Variants in FBXW4 observed in about 807,000 individuals in gnomAD.
FBXW4 encodes the protein F-box/WD repeat-containing protein 4.
In FBXW4, 40 loss-of-function variants were observed where a neutral mutation model predicts 61.8. The ratio of observed to expected loss-of-function variants is 0.65; its 90% CI spans 0.50 to 0.84. The LOEUF is 0.84. Among genes scored for constraint, FBXW4 ranks in the 40% least tolerant of loss-of-function variants. FBXW4 has a pLI of 0.00. For missense variants in FBXW4, 672 were observed against 753.8 expected, an observed-to-expected ratio of 0.89 and a Z score of 1.27; for synonymous variants, 311 against 313.8, an observed-to-expected ratio of 0.99 and a Z score of 0.10.
intron 5 of FBXW4, among the ~76,000 whole-genome samples, chr10:101,651,756 G>T (rs2064147746): frequency 6.6e-6 from 1 of 151,924 alleles, no homozygotes; most frequent in Non-Finnish European, 1.5e-5. Context: ...ACTGACAGGG[G>T]CCTTTATGAG....
chr10:101,653,492 C>T (rs2064160903), intron 5 of FBXW4, among the ~76,000 whole-genome samples: 1 of 152,220 alleles, frequency 6.6e-6, no homozygotes, highest in Admixed American at 6.5e-5. Context: ...GCTTCCCCAT[C>T]TCTTTGTATG....
In FBXW4 at chr10:101,694,587, C is replaced by A. The variant is rs1032014243; in HGVS notation, c.519G>T (p.Ser173=). 3 of 1,458,522 alleles carry A rather than the reference C, an allele frequency of 2.1e-6. No individual in the cohort carries two copies. Among genetic ancestry groups the A allele is most frequent in the Non-Finnish European group, 2.7e-6 (3 of 1,115,142 alleles). 90.3% of individuals were successfully genotyped at this position (1,458,522 alleles called of 1,614,324 possible). A position where few individuals can be genotyped will look rare whatever the true frequency, so the allele number is the denominator to read the frequency against. Residue 173 remains serine, a synonymous_variant, in exon 1 of 9, where the codon TCG becomes TCT. Transcript: ENST00000331272. This position sits in a 1 kb window ranked among gnomAD's most constrained non-coding sequence, Gnocchi z 6.0. ...CAGGCCCCGCGGCCGGGCGGGCAGC[C>A]GACTCCCGAGCCGCCTCCTCCTCCT... is the stretch of plus-strand genomic sequence containing the variant. ...EEEEEEAARE[S]AARPAAGPAL... is the part of the protein sequence containing the mutation.
chr10:101,677,142 G>C (rs1263591894), intron 1 of FBXW4, among the ~76,000 whole-genome samples: 1 of 152,100 alleles, frequency 6.6e-6, no homozygotes, highest in African/African-American at 2.4e-5. Flanking sequence ...AAAAGGTCTG[G>C]CAGTTTATTA....
At chr10:101,673,787 T>C in intron 2 of FBXW4, 114 bp from the exon 3 acceptor site, 1 of 953,418 alleles carries the variant, frequency 1.0e-6, no homozygotes, top group Non-Finnish European at 1.6e-6. Context: ...CCAACAAGGC[T>C]TATTATCTAT....
At position 101,667,946 on chromosome 10, in the gene FBXW4, C is replaced by A. The variant is rs762271297; in HGVS notation, c.1175G>T (p.Cys392Phe). The A allele has an allele frequency of 6.2e-7, 1 of 1,614,214 alleles. No individual in the cohort carries two copies. The highest frequency in any genetic ancestry group is 8.5e-7 in the Non-Finnish European group (1 of 1,180,020). Residue 392 changes from cysteine (C) to phenylalanine (F), a missense_variant, in exon 5 of 9, where the codon TGC becomes TTC. Coordinates refer to ENST00000331272, the MANE Select transcript of FBXW4 (RefSeq NM_022039.4). Reference sequence around the variant, plus strand: ...GTCTTCAGTCTGGATGGTGTGTAAGCACTGCCCCAGCCGGCCTGAGGCCAA... The same window carrying A: ...GTCTTCAGTCTGGATGGTGTGTAAGAACTGCCCCAGCCGGCCTGAGGCCAA... ...WPLASGRLGQ[C>F]LHTIQTEDRV...
intron 1 of FBXW4, among the ~76,000 whole-genome samples, chr10:101,687,784 A>G (rs1456969274): frequency 6.6e-6 from 1 of 152,160 alleles, no homozygotes; most frequent in Admixed American, 6.5e-5. Flanking sequence ...CCCTTGCCCA[A>G]TATCCCTTGC....
intron 5 of FBXW4, among the ~76,000 whole-genome samples, chr10:101,654,300 A>G (rs2064168416): frequency 6.6e-6 from 1 of 152,122 alleles, no homozygotes; most frequent in South Asian, 2.1e-4. Flanking sequence ...AATTGTGGTG[A>G]TAGTTGCACA....
chr10:101,678,974 T>TA (rs1449490967), intron 1 of FBXW4, among the ~76,000 whole-genome samples: 1 of 152,138 alleles, frequency 6.6e-6, no homozygotes, highest in Non-Finnish European at 1.5e-5. Flanking sequence ...ATGCACAGGA[T>TA]AAAAAAACAC....
intron 1 of FBXW4, among the ~76,000 whole-genome samples, chr10:101,690,155 G>A (rs1589785748): frequency 6.6e-6 from 1 of 152,098 alleles, no homozygotes. Context: ...CATTATTTGC[G>A]TTTGTTAATT....
At chr10:101,642,526 A>G (rs1357636563) in intron 5 of FBXW4, among the ~76,000 whole-genome samples, 2 of 151,246 alleles carry the variant, frequency 1.3e-5, no homozygotes, top group African/African-American at 2.4e-5. Context: ...AAGCTACAAC[A>G]CCCCTCTGGG....
At chr10:101,612,171 C>T (rs1192658720) in intron 7 of FBXW4, among the ~76,000 whole-genome samples, 166 bp downstream of exon 7, 4 of 152,222 alleles carry the variant, frequency 2.6e-5, no homozygotes, top group Admixed American at 6.5e-5. Context: ...CCACTGGGAC[C>T]AGGGCTGCCC....
At chr10:101,644,201 G>A (rs2064077614) in intron 5 of FBXW4, among the ~76,000 whole-genome samples, 1 of 152,206 alleles carries the variant, frequency 6.6e-6, no homozygotes, top group African/African-American at 2.4e-5. Flanking sequence ...GGAAACTTTG[G>A]CATGTGGGAA....
At chr10:101,681,411 A>AATC (rs1459593920) in intron 1 of FBXW4, among the ~76,000 whole-genome samples, 1 of 138,644 alleles carries the variant, frequency 7.2e-6, no homozygotes, top group Non-Finnish European at 1.5e-5. Context: ...TAATAATAAT[A>AATC]ATAATAATAA....
chr10:101,639,412 G>C (rs2064032247), intron 5 of FBXW4, among the ~76,000 whole-genome samples: 1 of 152,220 alleles, frequency 6.6e-6, no homozygotes, highest in Non-Finnish European at 1.5e-5. Context: ...TCTTCACTTT[G>C]TTTAAGAGTT....
chr10:101,687,350 C>T (rs966338828), intron 1 of FBXW4, among the ~76,000 whole-genome samples: 1 of 152,132 alleles, frequency 6.6e-6, no homozygotes, highest in African/African-American at 2.4e-5. Flanking sequence ...ATGACCATTC[C>T]CCCTTCCAAC....
At chr10:101,660,823 TC>T (rs2064235410) in intron 5 of FBXW4, among the ~76,000 whole-genome samples, 1 of 152,154 alleles carries the variant, frequency 6.6e-6, no homozygotes, top group Non-Finnish European at 1.5e-5. Flanking sequence ...TCCAGCGTGC[TC>T]CCAAGGCCCT....
intron 5 of FBXW4, among the ~76,000 whole-genome samples, chr10:101,644,764 G>A (rs571743744): frequency 6.6e-6 from 1 of 152,294 alleles, no homozygotes; most frequent in African/African-American, 2.4e-5. Flanking sequence ...GCAGAACCCA[G>A]GACTGATGAA....
chr10:101,651,343 T>TG (rs1276771725), intron 5 of FBXW4, among the ~76,000 whole-genome samples: 2 of 148,072 alleles, frequency 1.4e-5, no homozygotes, highest in Non-Finnish European at 3.0e-5. Context: ...GGGAAATGGG[T>TG]GGGGGGTGAA....
At chr10:101,681,053 G>A (rs2064469168) in intron 1 of FBXW4, among the ~76,000 whole-genome samples, 1 of 152,112 alleles carries the variant, frequency 6.6e-6, no homozygotes, top group African/African-American at 2.4e-5. Flanking sequence ...ATTTATAAAG[G>A]TAGAGGTGGG....
Sources: gnomAD v4.1 joint callset for allele counts (sites outside exome capture counted in the v4.1 genomes callset) on GRCh38, gnomAD v4.1.1 for gene constraint, Gnocchi (gnomAD v3.1) non-coding constraint, MANE v1.5 for transcripts, NCBI Gene and HGNC (gene_info 2026-07-23, HGNC 2026-07-21) for gene names.